TBK1: variants seen among roughly 807,000 people sequenced by gnomAD.
TBK1 encodes the protein TANK binding kinase 1, also known as serine/threonine-protein kinase TBK1.
Under a neutral mutation model 99.9 loss-of-function variants are expected in TBK1, and 37 were observed. The observed-to-expected ratio is 0.37, with a 90% CI of 0.28 to 0.49. The LOEUF (loss-of-function observed/expected upper bound fraction) is 0.49, where lower values mean the gene tolerates loss of function less well. TBK1 is among the 20% of genes least tolerant of loss of function. The probability of loss-of-function intolerance (pLI) is 0.98; values close to 1 mark genes in which losing one functional copy is unlikely to be tolerated. For missense variants in TBK1, 644 were observed against 872.5 expected (o/e 0.74, Z 3.30); for synonymous variants, 258 against 279.8 (o/e 0.92, Z 0.78).
intron 13 of TBK1, among the ~76,000 whole-genome samples, chr12:64,492,368 G>A (rs546945945): frequency 3.1e-4 from 47 of 152,026 alleles, no homozygotes; most frequent in African/African-American, 1.1e-3. Flanking sequence ...GTGCAGTGGC[G>A]CGATCTTGGC....
intron 11 of TBK1, 70 bp from the exon 12 acceptor site, chr12:64,488,417 A>T: frequency 1.3e-6 from 1 of 795,622 alleles, no homozygotes; most frequent in Non-Finnish European, 2.0e-6. Context: ...GTAGTACTGC[A>T]GTATAATTAG....
chr12:64,488,095 G>C (rs2040836058), intron 11 of TBK1, among the ~76,000 whole-genome samples: 1 of 152,176 alleles, frequency 6.6e-6, no homozygotes, highest in Non-Finnish European at 1.5e-5. Context: ...AAGCATTTCA[G>C]ATAAGAGATA....
At chr12:64,487,195 T>G (rs2040828485) in intron 11 of TBK1, among the ~76,000 whole-genome samples, 2 of 152,240 alleles carry the variant, frequency 1.3e-5, no homozygotes, top group Admixed American at 1.3e-4. Context: ...TTATCTCTTT[T>G]GGAAATTATG....
chr12:64,458,334 A>G (rs955438821), intron 2 of TBK1, among the ~76,000 whole-genome samples: 2 of 152,024 alleles, frequency 1.3e-5, no homozygotes, highest in Admixed American at 1.3e-4. Flanking sequence ...AGAATGACCA[A>G]ATTCTTACAT....
Position 64,495,681 on chromosome 12 carries a change from T to C in TBK1, c.1644-18T>C. 3 of 1,612,152 alleles carry C rather than the reference T, an allele frequency of 1.9e-6. No homozygotes were observed. Among genetic ancestry groups the C allele is most frequent in the Non-Finnish European group, 2.5e-6 (3 of 1,179,494 alleles). ...CATTGACTCAGTTAATTTATTTGAG[T>C]TTTTCTTCCTTAAATAGTGTAGAAA... On this transcript the variant is annotated intron_variant, in intron 14 of 20. Transcript: ENST00000331710.
At chr12:64,467,795 A>G (rs1165638037) in intron 5 of TBK1, among the ~76,000 whole-genome samples, 1 of 152,192 alleles carries the variant, frequency 6.6e-6, no homozygotes, top group Non-Finnish European at 1.5e-5. Flanking sequence ...AGCTTTATTC[A>G]GATTATTCTA....
chr12:64,475,597 A>G (rs1051744809), intron 6 of TBK1, among the ~76,000 whole-genome samples: 3 of 152,236 alleles, frequency 2.0e-5, no homozygotes, highest in African/African-American at 7.2e-5. Flanking sequence ...TCTCATTTAT[A>G]AGTGAGAACA....
intron 3 of TBK1, among the ~76,000 whole-genome samples, chr12:64,460,832 CAAAA>C (rs1221718352): frequency 6.6e-5 from 3 of 45,458 alleles, no homozygotes; most frequent in Non-Finnish European, 4.5e-5. Context: ...GACTCCATCT[CAAAA>C]AAAAAAAAAA....
chr12:64,456,779 C>T lies in TBK1; in HGVS notation c.87+822C>T, dbSNP rs543504647. Among the ~76,000 whole-genome samples, 6 of 150,160 alleles carry T rather than the reference C, an allele frequency of 4.0e-5. No individual in the cohort carries two copies. In the East Asian group the frequency reaches 5.9e-4, roughly 15 times the overall value. On this transcript the variant is annotated intron_variant, in intron 2 of 20. Transcript: ENST00000331710. ...ATGGTGTGAACCCAGGAGGCGGAGG[C>T]TGCAGTGAGCCAAGATAGCACCACT...
chr12:64,469,761 A>G (rs527950136), intron 5 of TBK1, among the ~76,000 whole-genome samples: 6 of 151,478 alleles, frequency 4.0e-5, no homozygotes, highest in African/African-American at 1.5e-4. Context: ...CAAAAATTCA[A>G]TTTCTCTCTT....
At chr12:64,470,077 G>A (rs2040646472) in intron 5 of TBK1, among the ~76,000 whole-genome samples, 1 of 152,120 alleles carries the variant, frequency 6.6e-6, no homozygotes, top group Non-Finnish European at 1.5e-5. Flanking sequence ...CAGAAAAGAT[G>A]GCAGTTTTAC....
At chr12:64,499,709 T>C (rs1388735943) in intron 20 of TBK1, among the ~76,000 whole-genome samples, 1 of 144,794 alleles carries the variant, frequency 6.9e-6, no homozygotes, top group Non-Finnish European at 1.5e-5. Flanking sequence ...TTTTTTTTTT[T>C]TTTTTTTGAG....
At chr12:64,460,370 G>C in intron 3 of TBK1, 41 bp downstream of exon 3, 1 of 1,430,540 alleles carries the variant, frequency 7.0e-7, no homozygotes, top group Non-Finnish European at 9.3e-7. Flanking sequence ...TTGTAGTTAC[G>C]AGTCAAGAAA....
chr12:64,465,500 C>CA (rs10714405), intron 4 of TBK1, among the ~76,000 whole-genome samples: 1,791 of 139,886 alleles, frequency 0.013, 21 homozygotes, highest in Non-Finnish European at 0.02. Flanking sequence ...TTCATAATAG[C>CA]AAAAAAAAAA....
chr12:64,461,742 A>G (rs1431430728), intron 3 of TBK1, among the ~76,000 whole-genome samples: 3 of 152,180 alleles, frequency 2.0e-5, no homozygotes, highest in Non-Finnish European at 4.4e-5. Context: ...CCGGCTACAA[A>G]TGTGGGGGTT....
chr12:64,499,847 G>A (rs1036917796), intron 20 of TBK1, among the ~76,000 whole-genome samples: 14 of 151,730 alleles, frequency 9.2e-5, no homozygotes, highest in Middle Eastern at 3.2e-3. Context: ...ACAGGCACAC[G>A]CCACCATGCC....
chr12:64,465,966 A>G (rs2040599540), intron 4 of TBK1, among the ~76,000 whole-genome samples: 1 of 152,210 alleles, frequency 6.6e-6, no homozygotes, highest in Non-Finnish European at 1.5e-5. Flanking sequence ...ATCAAAGGAA[A>G]TAACATCTTA....
chr12:64,452,701 G>C (rs1360658746), intron 1 of TBK1: 1 of 152,206 alleles, frequency 6.6e-6, no homozygotes, highest in Non-Finnish European at 1.5e-5. Context: ...TGTTCAGTCC[G>C]CAGAGGTTGA....
intron 2 of TBK1, among the ~76,000 whole-genome samples, chr12:64,458,512 C>CAT (rs10626258): frequency 0.53 from 76,704 of 143,928 alleles, 21,320 homozygotes; most frequent in Non-Finnish European, 0.63. Context: ...TGGATATATA[C>CAT]ATATATATAT....
Sources: gnomAD v4.1 joint callset for allele counts (sites outside exome capture counted in the v4.1 genomes callset) on GRCh38, gnomAD v4.1.1 for gene constraint, MANE v1.5 for transcripts, NCBI Gene and HGNC (gene_info 2026-07-23, HGNC 2026-07-21) for gene names.